CDK13: variants seen among roughly 807,000 people sequenced by gnomAD.
CDK13 encodes the protein cyclin-dependent kinase 13.
A neutral mutation model predicts 137.6 loss-of-function variants in CDK13; 40 were observed. The ratio of observed to expected loss-of-function variants is 0.29; its 90% CI spans 0.23 to 0.38. The LOEUF is 0.38. Ranked by LOEUF, CDK13 falls within the 10% of genes least tolerant of loss-of-function variation. The pLI is 1.00. For synonymous variants in CDK13, 869 were observed against 760.1 expected (o/e 1.14, Z -2.36); for missense variants, 1,704 against 1,951.8 (o/e 0.87, Z 2.39).
Position 39,951,550 on chromosome 7 carries a change from C to T in CDK13, c.909C>T (p.Asp303=). 6.5e-7 allele frequency: 1 copy of T among 1,538,396 alleles called. No homozygotes were observed. The highest frequency in any genetic ancestry group is 8.7e-7 in the Non-Finnish European group (1 of 1,145,148). ...AACCGCCCAAGGCCTACCGGGAGGA[C>T]AAGACCGAGCCTAAGGCCTACAGGC... The part of the protein sequence containing the change: ...YKEPPKAYRE[D]KTEPKAYRRR... Residue 303 remains aspartate, a synonymous_variant, in exon 1 of 14, where the codon GAC becomes GAT. Transcript: ENST00000181839.
intron 5 of CDK13, among the ~76,000 whole-genome samples, chr7:40,016,906 T>C (rs557857165): frequency 3.0e-4 from 46 of 152,228 alleles, no homozygotes; most frequent in African/African-American, 1.0e-3. Flanking sequence ...AATGGAAATA[T>C]GGAAATAAAA....
At chr7:39,973,441 T>C (rs1583928091) in intron 1 of CDK13, among the ~76,000 whole-genome samples, 2 of 152,334 alleles carry the variant, frequency 1.3e-5, no homozygotes, top group East Asian at 3.9e-4. Context: ...TGGCCTTCTT[T>C]GCCCATTTTT....
chr7:40,030,372 A>G (rs1411199728), intron 5 of CDK13, among the ~76,000 whole-genome samples: 1 of 151,152 alleles, frequency 6.6e-6, no homozygotes, highest in East Asian at 1.9e-4. Flanking sequence ...TTTCTGCTTT[A>G]AAAGTCCAGT....
chr7:39,962,475 A>C (rs1783770136), intron 1 of CDK13, among the ~76,000 whole-genome samples: 1 of 151,972 alleles, frequency 6.6e-6, no homozygotes, highest in Non-Finnish European at 1.5e-5. Flanking sequence ...CCACTTTTTG[A>C]TGGGGTTGTT....
chr7:40,034,745 T>TAGCA (rs1785447669), intron 5 of CDK13, among the ~76,000 whole-genome samples: 2 of 152,346 alleles, frequency 1.3e-5, no homozygotes, highest in Admixed American at 1.3e-4. Context: ...TGCCCAAACA[T>TAGCA]AGCAGTGTAT....
chr7:40,040,854 T>G (rs918324560), intron 5 of CDK13, among the ~76,000 whole-genome samples: 1 of 152,184 alleles, frequency 6.6e-6, no homozygotes, highest in East Asian at 1.9e-4. Flanking sequence ...CATTGAGTGT[T>G]TATGGCTCTC....
chr7:39,963,859 C>G (rs998014172), intron 1 of CDK13, among the ~76,000 whole-genome samples: 6 of 152,182 alleles, frequency 3.9e-5, no homozygotes. Flanking sequence ...AAGGCCTTTT[C>G]TGCATCTATT....
chr7:39,951,486 G>A lies in CDK13; in HGVS notation c.845G>A (p.Arg282Gln), dbSNP rs1747216621. The A allele has an allele frequency of 6.5e-7, 1 of 1,537,262 alleles. No homozygotes were observed. The highest frequency in any genetic ancestry group is 8.8e-7 in the Non-Finnish European group (1 of 1,142,824). Residue 282 changes from arginine to glutamine, a missense_variant, in exon 1 of 14, where the codon CGG (arginine) becomes CAG (glutamine). Transcript: ENST00000181839. Reference sequence around the variant, plus strand: ...CGGGACTCGAAGGCCCACCGCAGCCGGACTAAGTCGTCCAAGGAGCCGCCT... The same window carrying A: ...CGGGACTCGAAGGCCCACCGCAGCCAGACTAAGTCGTCCAAGGAGCCGCCT... ...KDRDSKAHRSRTKSSKEPPSA... is the reference protein window; with the variant it reads ...KDRDSKAHRSQTKSSKEPPSA...
intron 5 of CDK13, among the ~76,000 whole-genome samples, chr7:40,026,269 G>T (rs1785239614): frequency 6.6e-6 from 1 of 152,228 alleles, no homozygotes; most frequent in Non-Finnish European, 1.5e-5. Context: ...AGCACTTTGG[G>T]AGGCCAAGGC....
chr7:39,964,032 T>C (rs1240727946), intron 1 of CDK13, among the ~76,000 whole-genome samples: 2 of 152,258 alleles, frequency 1.3e-5, no homozygotes, highest in Non-Finnish European at 2.9e-5. Context: ...CAGTATTTTA[T>C]TGAGGATCTT....
chr7:40,047,672 G>A (rs771537317), intron 6 of CDK13, 149 bp from the exon 7 acceptor site: 4 of 527,350 alleles, frequency 7.6e-6, no homozygotes, highest in South Asian at 3.5e-5. Flanking sequence ...GCCTTTCCCT[G>A]TATTACCTTG....
intron 1 of CDK13, chr7:39,952,435 A>T (rs1787257621): frequency 6.6e-6 from 1 of 152,210 alleles, no homozygotes; most frequent in East Asian, 1.9e-4. Context: ...ATAGTTCTGA[A>T]TACTGAAGTT....
intron 7 of CDK13, among the ~76,000 whole-genome samples, chr7:40,059,966 C>G (rs1050747690): frequency 6.6e-6 from 1 of 152,092 alleles, no homozygotes; most frequent in Admixed American, 6.5e-5. Flanking sequence ...TTTGGAAAGG[C>G]CATTAATTAG....
intron 5 of CDK13, among the ~76,000 whole-genome samples, chr7:40,044,768 C>G (rs927433428): frequency 8.5e-5 from 13 of 152,186 alleles, no homozygotes; most frequent in African/African-American, 2.9e-4. Context: ...TCCCGAGTAG[C>G]TGGAACTACA....
chr7:40,002,474 G>A (rs1784702972), intron 5 of CDK13, among the ~76,000 whole-genome samples: 1 of 152,164 alleles, frequency 6.6e-6, no homozygotes, highest in African/African-American at 2.4e-5. Flanking sequence ...ATCTATAGTG[G>A]GGTATGTATA....
chr7:40,093,203 C>T lies in CDK13; in HGVS notation c.3654C>T (p.Leu1218=). 6.2e-7 allele frequency: 1 copy of T among 1,613,640 alleles called. No homozygotes were observed. The highest frequency in any genetic ancestry group is 8.5e-7 in the Non-Finnish European group (1 of 1,179,920). ...CGGGACATGAAGCGTCATTACAACT[C>T]AGGCCACCTCCAGAACCTAGCACTC... is the stretch of plus-strand genomic sequence containing the variant. ...NGSGHEASLQ[L]RPPPEPSTPV... is the part of the protein sequence containing the mutation. Residue 1218 remains leucine, a synonymous_variant, in exon 13 of 14, where the codon CTC becomes CTT. Coordinates refer to ENST00000181839, the MANE Select transcript of CDK13 (RefSeq NM_003718.5).
chr7:39,970,470 T>C (rs1783974035), intron 1 of CDK13, among the ~76,000 whole-genome samples: 1 of 152,050 alleles, frequency 6.6e-6, no homozygotes, highest in Admixed American at 6.5e-5. Flanking sequence ...TGTCATCTTT[T>C]TTTTTTTTGA....
chr7:39,999,777 A>G (rs1296865044), intron 4 of CDK13, among the ~76,000 whole-genome samples: 6 of 152,152 alleles, frequency 3.9e-5, no homozygotes, highest in Non-Finnish European at 8.8e-5. Flanking sequence ...TATGGTGAAT[A>G]ATTCTTATAC....
intron 2 of CDK13, among the ~76,000 whole-genome samples, chr7:39,989,929 C>G (rs1784423306): frequency 8.7e-6 from 1 of 114,908 alleles, no homozygotes; most frequent in African/African-American, 2.5e-5. Context: ...ACTACAGGCG[C>G]CCGCCACCAA....
Sources: allele counts gnomAD v4.1 joint callset (sites outside exome capture counted in the v4.1 genomes callset), GRCh38; gene constraint gnomAD v4.1.1; transcripts MANE v1.5; gene names NCBI Gene and HGNC (gene_info 2026-07-23, HGNC 2026-07-21).